CDC14A: variants seen among roughly 807,000 people sequenced by gnomAD.
CDC14A encodes dual specificity protein phosphatase CDC14A.
A neutral mutation model predicts 74.4 loss-of-function variants in CDC14A; 53 were observed. The ratio of observed to expected loss-of-function variants is 0.71; its 90% CI spans 0.57 to 0.89. CDC14A has a LOEUF of 0.89. Ranked by LOEUF, CDC14A falls within the 40% of genes least tolerant of loss-of-function variation. The pLI is 0.00. For synonymous variants in CDC14A, 247 were observed against 258.4 expected (o/e 0.96, Z 0.43); for missense variants, 646 against 713.7 (o/e 0.91, Z 1.08).
At chr1:100,509,823 CTT>C (rs1478876914) in intron 15 of CDC14A, among the ~76,000 whole-genome samples, 1 of 152,198 alleles carries the variant, frequency 6.6e-6, no homozygotes, top group Non-Finnish European at 1.5e-5. Context: ...ATTTTTCTCT[CTT>C]GGGCAGACTG....
chr1:100,452,373 C>T (rs1310282701), intron 7 of CDC14A, among the ~76,000 whole-genome samples: 1 of 151,952 alleles, frequency 6.6e-6, no homozygotes, highest in African/African-American at 2.4e-5. Context: ...TTAGTCGGGC[C>T]TGGTGGTGTG....
In CDC14A at chr1:100,520,187, T is replaced by C. The variant is rs577337599; in HGVS notation, c.*1907T>C. ...AAATTGTTTGACATGTATTTTGTTATGAATAGTTTATCTTCCAAAAGATAT... is the reference window on the plus strand; with the variant it reads ...AAATTGTTTGACATGTATTTTGTTACGAATAGTTTATCTTCCAAAAGATAT... On this transcript the variant is annotated 3_prime_UTR_variant, in exon 16 of 16. Coordinates refer to ENST00000336454, the MANE Select transcript of CDC14A (RefSeq NM_003672.4). 3.3e-5 allele frequency: 5 copies of C among 152,730 alleles called. No individual in the cohort carries two copies. The South Asian group carries it at 8.3e-4, about 25-fold the overall frequency. The allele number at this position is 152,730 out of a possible 1,614,324, so 9.5% of individuals were successfully genotyped here.
At chr1:100,384,988 A>T (rs1656643658) in intron 3 of CDC14A, among the ~76,000 whole-genome samples, 1 of 152,242 alleles carries the variant, frequency 6.6e-6, no homozygotes, top group African/African-American at 2.4e-5. Flanking sequence ...CGGAATCATT[A>T]AAGGGACTTG....
At chr1:100,373,780 T>C (rs138803641) in intron 2 of CDC14A, among the ~76,000 whole-genome samples, 17 of 150,552 alleles carry the variant, frequency 1.1e-4, no homozygotes, top group African/African-American at 4.1e-4. Context: ...TTATTTCAAA[T>C]CACTGCTGCT....
intron 11 of CDC14A, among the ~76,000 whole-genome samples, chr1:100,487,458 A>C (rs1670137419): frequency 6.6e-6 from 1 of 152,190 alleles, no homozygotes. Flanking sequence ...GCTTCTTGGG[A>C]GGCTGAGGCA....
At chr1:100,382,211 CTTTTTTTTTT>C (rs557184435) in intron 3 of CDC14A, among the ~76,000 whole-genome samples, 1 of 105,162 alleles carries the variant, frequency 9.5e-6, no homozygotes, top group African/African-American at 3.9e-5. Context: ...TTCCTCTATT[CTTTTTTTTTT>C]TTTTTTTTTT....
intron 3 of CDC14A, among the ~76,000 whole-genome samples, chr1:100,386,177 A>G (rs1236845488): frequency 6.6e-6 from 1 of 152,016 alleles, no homozygotes; most frequent in Non-Finnish European, 1.5e-5. Context: ...AAAAAAAAAA[A>G]AAGAAGAGTA....
intron 2 of CDC14A, among the ~76,000 whole-genome samples, chr1:100,366,568 T>C (rs1335487374): frequency 6.6e-6 from 1 of 152,218 alleles, no homozygotes; most frequent in Non-Finnish European, 1.5e-5. Flanking sequence ...CCAGCTTCTA[T>C]GTCCCTTCAA....
chr1:100,448,996 A>G (rs1249000096), intron 7 of CDC14A, among the ~76,000 whole-genome samples: 1 of 152,184 alleles, frequency 6.6e-6, no homozygotes. Context: ...TTTTATGCTT[A>G]TCAATTTAGT....
Position 100,518,458 on chromosome 1 carries a change from G to C in CDC14A, c.*178G>C, listed in dbSNP as rs1650419720. 2 of 573,010 alleles carry C rather than the reference G, an allele frequency of 3.5e-6. No homozygotes were observed. Among genetic ancestry groups the C allele is most frequent in the Non-Finnish European group, 6.3e-6 (2 of 317,750 alleles). The allele number at this position is 573,010 out of a possible 1,614,324, so 35.5% of individuals were successfully genotyped here. A position where few individuals can be genotyped will look rare whatever the true frequency, so the allele number is the denominator to read the frequency against. On this transcript the variant is annotated 3_prime_UTR_variant, in exon 16 of 16. Coordinates refer to ENST00000336454, the MANE Select transcript of CDC14A (RefSeq NM_003672.4). ...ACTTGAAAACAGAAAACTGGTTAAT[G>C]ACTACTATAAATGCACTGAAACTAT...
At chr1:100,398,277 C>T (rs1658803835) in intron 4 of CDC14A, among the ~76,000 whole-genome samples, 1 of 152,178 alleles carries the variant, frequency 6.6e-6, no homozygotes, top group Admixed American at 6.5e-5. Flanking sequence ...TCTCCTACTT[C>T]CTATCACTCA....
At chr1:100,377,330 G>C (rs985632522) in intron 2 of CDC14A, among the ~76,000 whole-genome samples, 1 of 152,102 alleles carries the variant, frequency 6.6e-6, no homozygotes, top group Admixed American at 6.5e-5. Context: ...ATAAGCCACC[G>C]CGCCCGGCCA....
chr1:100,405,291 A>G (rs1454450311), intron 4 of CDC14A, among the ~76,000 whole-genome samples: 1 of 152,182 alleles, frequency 6.6e-6, no homozygotes, highest in Non-Finnish European at 1.5e-5. Flanking sequence ...AATATGATCT[A>G]CTAGGATGAG....
intron 4 of CDC14A, among the ~76,000 whole-genome samples, chr1:100,418,831 C>T (rs1661872559): frequency 6.6e-6 from 1 of 152,160 alleles, no homozygotes; most frequent in East Asian, 1.9e-4. Context: ...TATCCTCCGT[C>T]TTTGCTCCCC....
At chr1:100,462,425 G>T in intron 8 of CDC14A, 1 of 517,480 alleles carries the variant, frequency 1.9e-6, no homozygotes, top group Non-Finnish European at 3.5e-6. Context: ...GAACTTTAAT[G>T]ATGTATTTTC....
intron 15 of CDC14A, among the ~76,000 whole-genome samples, chr1:100,513,228 A>C (rs1255660244): frequency 6.6e-6 from 1 of 152,148 alleles, no homozygotes; most frequent in Non-Finnish European, 1.5e-5. Context: ...ATTTTTCCCC[A>C]GTGTTGTATT....
chr1:100,410,517 A>C (rs2101036309), intron 4 of CDC14A, among the ~76,000 whole-genome samples: 1 of 152,182 alleles, frequency 6.6e-6, no homozygotes, highest in South Asian at 2.1e-4. Context: ...ACAGGGTTTC[A>C]CCATGTTGGC....
intron 3 of CDC14A, among the ~76,000 whole-genome samples, chr1:100,382,729 G>A (rs563102060): frequency 6.6e-6 from 1 of 152,252 alleles, no homozygotes; most frequent in East Asian, 1.9e-4. Context: ...AAGGATTAAA[G>A]GAGTATTCAC....
intron 7 of CDC14A, among the ~76,000 whole-genome samples, chr1:100,445,743 A>G (rs556224546): frequency 3.3e-5 from 5 of 152,342 alleles, no homozygotes; most frequent in South Asian, 2.1e-4. Context: ...AAATCTGACA[A>G]GAAGGTAGTC....
Sources: gnomAD v4.1 joint callset for allele counts (sites outside exome capture counted in the v4.1 genomes callset) on GRCh38, gnomAD v4.1.1 for gene constraint, MANE v1.5 for transcripts, NCBI Gene and HGNC (gene_info 2026-07-23, HGNC 2026-07-21) for gene names.